Variants in THSD7A observed in about 807,000 individuals in gnomAD.
The protein encoded by THSD7A is thrombospondin type-1 domain-containing protein 7A.
In THSD7A, 96 loss-of-function variants were observed where a neutral mutation model predicts 231.3. That is an observed-to-expected ratio of 0.41 (90% CI 0.35 to 0.49). The LOEUF is 0.49. THSD7A is among the 20% of genes least tolerant of loss of function. The probability of loss-of-function intolerance (pLI) is 0.05; values close to 1 mark genes in which losing one functional copy is unlikely to be tolerated. For synonymous variants in THSD7A, 940 were observed against 743.3 expected (o/e 1.26, Z -4.30); for missense variants, 2,290 against 2,070.2 (o/e 1.11, Z -2.06).
chr7:11,553,919 A>G (rs917205040), intron 4 of THSD7A, among the ~76,000 whole-genome samples: 1 of 151,964 alleles, frequency 6.6e-6, no homozygotes, highest in Non-Finnish European at 1.5e-5. Flanking sequence ...AGATACACAT[A>G]CTATATAACC....
intron 2 of THSD7A, among the ~76,000 whole-genome samples, chr7:11,614,632 A>G (rs1186977866): frequency 6.6e-6 from 1 of 152,256 alleles, no homozygotes; most frequent in African/African-American, 2.4e-5. Flanking sequence ...CACAGAAAGA[A>G]TTATGTTTTA....
intron 1 of THSD7A, among the ~76,000 whole-genome samples, chr7:11,720,917 C>A (rs1295319834): frequency 6.6e-6 from 1 of 151,704 alleles, no homozygotes; most frequent in African/African-American, 2.4e-5. Flanking sequence ...CACCCCTTAA[C>A]TGATGGTATT....
In THSD7A at chr7:11,554,509, T is replaced by C. The variant is rs568985365; in HGVS notation, c.1454-11392A>G. 2.6e-5 allele frequency among the ~76,000 whole-genome samples: 4 copies of C among 152,222 alleles called. No homozygotes were observed. In the South Asian group the frequency reaches 6.2e-4, roughly 24 times the overall value. On this transcript the variant is annotated intron_variant, in intron 4 of 27. Coordinates refer to ENST00000423059, the MANE Select transcript of THSD7A (RefSeq NM_015204.3). ...ATTCCTATTTTTTTCTGAGAGTTTA[T>C]TATGAATGGATGCTAAATTTTGTTA... is the stretch of plus-strand genomic sequence containing the variant.
At chr7:11,660,153 A>AT (rs772572145) in intron 1 of THSD7A, among the ~76,000 whole-genome samples, 1 of 151,580 alleles carries the variant, frequency 6.6e-6, no homozygotes, top group Non-Finnish European at 1.5e-5. Context: ...TCCTAGAAAA[A>AT]TTTACAAACT....
At chr7:11,661,829 T>C (rs1234842633) in intron 1 of THSD7A, among the ~76,000 whole-genome samples, 1 of 151,330 alleles carries the variant, frequency 6.6e-6, no homozygotes, top group South Asian at 2.1e-4. Context: ...TTTAAATGTG[T>C]ATAGAATTAA....
chr7:11,426,038 C>T (rs1449595899), intron 15 of THSD7A, among the ~76,000 whole-genome samples: 4 of 147,652 alleles, frequency 2.7e-5, no homozygotes, highest in Non-Finnish European at 1.5e-5. Context: ...TGCACATGTA[C>T]CCTAAAACTT....
chr7:11,409,212 A>C (rs982422613), intron 19 of THSD7A, among the ~76,000 whole-genome samples: 5 of 152,186 alleles, frequency 3.3e-5, no homozygotes, highest in Non-Finnish European at 7.4e-5. Flanking sequence ...GATAAAAATA[A>C]TACTACATAA....
In THSD7A at chr7:11,711,591, T is replaced by C. The variant is rs570259584; in HGVS notation, c.191-74630A>G. On this transcript the variant is annotated intron_variant, in intron 1 of 27. Coordinates refer to ENST00000423059, the MANE Select transcript of THSD7A (RefSeq NM_015204.3). ...AGATAAAATTGTTATAGGGATTACATGAGATGATGAAGGTGAACCTATAAC... is the reference window on the plus strand; with the variant it reads ...AGATAAAATTGTTATAGGGATTACACGAGATGATGAAGGTGAACCTATAAC... 8.6e-5 allele frequency among the ~76,000 whole-genome samples: 13 copies of C among 151,230 alleles called. No homozygotes were observed. The East Asian group carries it at 1.2e-3, about 14-fold the overall frequency.
chr7:11,531,321 C>T (rs1020555193), intron 6 of THSD7A, among the ~76,000 whole-genome samples: 18 of 152,262 alleles, frequency 1.2e-4, no homozygotes, highest in African/African-American at 4.3e-4. Context: ...CTCAACAAAG[C>T]AACATCAGTG....
At chr7:11,808,167 C>CAT (rs887962424) in intron 1 of THSD7A, among the ~76,000 whole-genome samples, 1 of 152,048 alleles carries the variant, frequency 6.6e-6, no homozygotes, top group Non-Finnish European at 1.5e-5. Flanking sequence ...CACACACACA[C>CAT]ACACACTGCT....
chr7:11,438,660 A>G (rs1016584403), intron 13 of THSD7A, among the ~76,000 whole-genome samples: 1 of 152,054 alleles, frequency 6.6e-6, no homozygotes, highest in African/African-American at 2.4e-5. Flanking sequence ...AATTGTTACT[A>G]CAATTGGAAG....
chr7:11,603,699 T>TA (rs1274046694), intron 2 of THSD7A, among the ~76,000 whole-genome samples: 1 of 150,990 alleles, frequency 6.6e-6, no homozygotes, highest in African/African-American at 2.4e-5. Context: ...TATGCAGCCA[T>TA]AAAAAAGGAT....
intron 7 of THSD7A, among the ~76,000 whole-genome samples, chr7:11,479,200 T>C (rs1171185479): frequency 1.3e-5 from 2 of 152,222 alleles, no homozygotes; most frequent in Non-Finnish European, 2.9e-5. Context: ...GTCTGGGCTG[T>C]CCATTACTGA....
chr7:11,428,414 G>A (rs988448376), intron 14 of THSD7A, among the ~76,000 whole-genome samples: 1 of 152,080 alleles, frequency 6.6e-6, no homozygotes, highest in Non-Finnish European at 1.5e-5. Context: ...ATTGAAAATG[G>A]TCAATGACTA....
At chr7:11,483,009 C>A (rs1786493982) in intron 6 of THSD7A, among the ~76,000 whole-genome samples, 1 of 152,100 alleles carries the variant, frequency 6.6e-6, no homozygotes, top group Non-Finnish European at 1.5e-5. Flanking sequence ...AGAATGAAAT[C>A]ATACACAATC....
chr7:11,717,285 C>T (rs1583219177), intron 1 of THSD7A, among the ~76,000 whole-genome samples: 1 of 151,814 alleles, frequency 6.6e-6, no homozygotes, highest in Middle Eastern at 3.4e-3. Flanking sequence ...CTTTGAATAA[C>T]CACATGCACT....
In THSD7A at chr7:11,474,813, T is replaced by A. The variant is rs1462768470; in HGVS notation, c.2018-245A>T. On this transcript the variant is annotated intron_variant, in intron 7 of 27. Coordinates refer to ENST00000423059, the MANE Select transcript of THSD7A (RefSeq NM_015204.3). The surrounding 1 kb of genome is among the most constrained non-coding windows in gnomAD (Gnocchi z 4.1). ...GGAAAAGTAGTAGGGGAGATAAGGA[T>A]ACAAATGAGTATAATTCTAGATAGA... Among the ~76,000 whole-genome samples, 1 of 152,150 alleles carries A rather than the reference T, an allele frequency of 6.6e-6. No homozygotes were observed. Among genetic ancestry groups the A allele is most frequent in the African/African-American group, 2.4e-5 (1 of 41,458 alleles).
intron 23 of THSD7A, among the ~76,000 whole-genome samples, chr7:11,398,380 C>T (rs577835293): frequency 4.9e-4 from 74 of 151,944 alleles, no homozygotes; most frequent in African/African-American, 1.7e-3. Context: ...ACACTGGGGC[C>T]TGTCGAGGGG....
At chr7:11,749,363 TTA>T (rs1782423795) in intron 1 of THSD7A, among the ~76,000 whole-genome samples, 1 of 151,914 alleles carries the variant, frequency 6.6e-6, no homozygotes, top group Non-Finnish European at 1.5e-5. Context: ...CCCTTAATTC[TTA>T]GAGCATGTTG....
Sources: allele counts gnomAD v4.1 joint callset (sites outside exome capture counted in the v4.1 genomes callset), GRCh38; gene constraint gnomAD v4.1.1; non-coding constraint Gnocchi (gnomAD v3.1); transcripts MANE v1.5; gene names NCBI Gene and HGNC (gene_info 2026-07-23, HGNC 2026-07-21).